Variants in PDE1A observed in about 807,000 individuals in gnomAD.
The protein encoded by PDE1A is phosphodiesterase 1A.
PDE1A carries 35 observed loss-of-function variants against 61.7 expected under a neutral mutation model. The observed-to-expected ratio is 0.57, with a 90% confidence interval of 0.43 to 0.75. The LOEUF (loss-of-function observed/expected upper bound fraction) is 0.75, where lower values mean the gene tolerates loss of function less well. Ranked by LOEUF, PDE1A falls within the 30% of genes least tolerant of loss-of-function variation. The pLI is 0.00. For synonymous variants in PDE1A, 232 were observed against 213.2 expected, an observed-to-expected ratio of 1.09 and a Z score of -0.77; for missense variants, 597 against 630.6, an observed-to-expected ratio of 0.95 and a Z score of 0.57.
At chr2:182,509,771 G>T (rs1689666839) in intron 2 of PDE1A, among the ~76,000 whole-genome samples, 1 of 152,158 alleles carries the variant, frequency 6.6e-6, no homozygotes, top group Non-Finnish European at 1.5e-5. Context: ...AAATGTAGTT[G>T]ATACCAAAGT....
intron 1 of PDE1A, among the ~76,000 whole-genome samples, chr2:182,377,738 T>C (rs1006106450): frequency 2.0e-5 from 3 of 152,212 alleles, no homozygotes; most frequent in African/African-American, 7.2e-5. Context: ...TACAAATATG[T>C]TCATAGTAGC....
the PDE1A span, among the ~76,000 whole-genome samples, chr2:182,565,001 TC>T: frequency 1.3e-5 from 2 of 152,224 alleles, no homozygotes; most frequent in East Asian, 3.8e-4. Context: ...GGTTCAAATT[TC>T]CTCCTGTAGC....
At chr2:182,198,146 T>A (rs116554303) in intron 10 of PDE1A, among the ~76,000 whole-genome samples, 305 of 151,982 alleles carry the variant, frequency 2.0e-3, no homozygotes, top group Non-Finnish European at 2.6e-3. Context: ...AATTTTATTA[T>A]TTTATGCTGT....
intron 10 of PDE1A, among the ~76,000 whole-genome samples, chr2:182,195,822 C>A (rs1248404500): frequency 6.6e-6 from 1 of 152,006 alleles, no homozygotes; most frequent in Non-Finnish European, 1.5e-5. Flanking sequence ...TTACAGATGG[C>A]TATGTGAGGA....
intron 2 of PDE1A, among the ~76,000 whole-genome samples, chr2:182,433,414 T>C (rs1245189421): frequency 2.0e-5 from 3 of 152,130 alleles, no homozygotes; most frequent in Non-Finnish European, 2.9e-5. Context: ...AAGAAATGCT[T>C]TCTTAATTTA....
At chr2:182,355,762 A>T (rs1178329979) in intron 1 of PDE1A, among the ~76,000 whole-genome samples, 1 of 152,186 alleles carries the variant, frequency 6.6e-6, no homozygotes, top group African/African-American at 2.4e-5. Context: ...ATGACAACTC[A>T]TAATTCCAGT....
chr2:182,473,573 C>T (rs1483631482), intron 2 of PDE1A, among the ~76,000 whole-genome samples: 3 of 151,598 alleles, frequency 2.0e-5, no homozygotes, highest in Admixed American at 2.0e-4. Context: ...TTGTTGTGTA[C>T]ATCATTTCAT....
the PDE1A span, among the ~76,000 whole-genome samples, chr2:182,534,048 G>GT: frequency 2.2e-4 from 33 of 151,810 alleles, no homozygotes; most frequent in Non-Finnish European, 4.0e-4. Context: ...AAAATGCAAA[G>GT]TAAAAAAATG....
At chr2:182,650,076 GACT>G in the PDE1A span, among the ~76,000 whole-genome samples, 1 of 151,986 alleles carries the variant, frequency 6.6e-6, no homozygotes, top group Non-Finnish European at 1.5e-5. Flanking sequence ...GATAGAGCGA[GACT>G]CTCTCTCCAA....
At chr2:182,315,318 A>T (rs572263671) in intron 1 of PDE1A, among the ~76,000 whole-genome samples, 7 of 152,272 alleles carry the variant, frequency 4.6e-5, no homozygotes, top group East Asian at 3.9e-4. Context: ...TTCAAGAATT[A>T]TTTTTTTACC....
At chr2:182,688,332 G>A in the PDE1A span, among the ~76,000 whole-genome samples, 2 of 152,086 alleles carry the variant, frequency 1.3e-5, no homozygotes, top group African/African-American at 4.8e-5. Context: ...CTGATCTCTC[G>A]GCAGAAACTC....
chr2:182,350,588 CATG>C (rs573387762), intron 1 of PDE1A, among the ~76,000 whole-genome samples: 4 of 152,030 alleles, frequency 2.6e-5, no homozygotes, highest in Non-Finnish European at 5.9e-5. Flanking sequence ...TTCTTTCTTC[CATG>C]ATGTTTTTCT....
At chr2:182,145,872 A>T (rs1300434212), downstream of PDE1A, among the ~76,000 whole-genome samples, 1 of 152,214 alleles carries the variant, frequency 6.6e-6, no homozygotes, top group Non-Finnish European at 1.5e-5. Context: ...GTAACTCAAG[A>T]ATATTGAGGA....
rs1694386033 is a variant in PDE1A at position 182,289,515 on chromosome 2, C to T, written c.54-25101G>A. On this transcript the variant is annotated intron_variant, in intron 1 of 13. Transcript: ENST00000351439. ...TTTAACTAGGGCTAGACATCACTCC[C>T]TGTGTTTTAATATTGTATCTCTCCT... 5.9e-5 allele frequency among the ~76,000 whole-genome samples: 9 copies of T among 152,182 alleles called. No individual in the cohort carries two copies. The South Asian group carries it at 1.9e-3, about 32-fold the overall frequency.
At chr2:182,456,176 A>T (rs1011042499) in intron 2 of PDE1A, among the ~76,000 whole-genome samples, 1 of 152,036 alleles carries the variant, frequency 6.6e-6, no homozygotes, top group Non-Finnish European at 1.5e-5. Context: ...TAGTTCTTTC[A>T]GAGTGTGGTC....
At chr2:182,166,477 G>A (rs1691659043), downstream of PDE1A, among the ~76,000 whole-genome samples, 1 of 152,120 alleles carries the variant, frequency 6.6e-6, no homozygotes, top group African/African-American at 2.4e-5. Flanking sequence ...CCTGAGACTT[G>A]TACCAACAGC....
chr2:182,413,057 A>T (rs1384878292), intron 1 of PDE1A, among the ~76,000 whole-genome samples: 2 of 152,216 alleles, frequency 1.3e-5, no homozygotes, highest in African/African-American at 4.8e-5. Flanking sequence ...GACAAAGCAG[A>T]GTAGACAAAG....
At position 182,205,939 on chromosome 2, in the gene PDE1A, C is replaced by T; in HGVS notation, c.902+1G>A. 1 of 1,605,862 alleles carries T rather than the reference C, an allele frequency of 6.2e-7. No homozygotes were observed. The highest frequency in any genetic ancestry group is 1.1e-5 in the South Asian group (1 of 89,814). On this transcript the variant is annotated splice_donor_variant, in intron 8 of 13. Coordinates refer to ENST00000351439, the Ensembl canonical transcript of PDE1A. LOFTEE classifies it high-confidence loss of function. ...TCCTCTAGGTTTTCTCTGAAACTCA[C>T]CTCCAGTCATCTTTGGATAAATTTA... is the stretch of plus-strand genomic sequence containing the variant.
At chr2:182,263,444 C>T (rs1692374083) in intron 2 of PDE1A, among the ~76,000 whole-genome samples, 1 of 152,150 alleles carries the variant, frequency 6.6e-6, no homozygotes, top group Non-Finnish European at 1.5e-5. Flanking sequence ...CTCTTTTTCA[C>T]TATTTGACTT....
Sources: allele counts gnomAD v4.1 joint callset (sites outside exome capture counted in the v4.1 genomes callset), GRCh38; gene constraint gnomAD v4.1.1; transcripts MANE v1.5; gene names NCBI Gene and HGNC (gene_info 2026-07-23, HGNC 2026-07-21).